The following IFRD1 variants were observed in gnomAD, a reference collection of about 807,000 sequenced individuals.
The protein encoded by IFRD1 is interferon related developmental regulator 1.
IFRD1 carries 35 observed loss-of-function variants against 52.9 expected under a neutral mutation model. The ratio of observed to expected loss-of-function variants is 0.66; its 90% CI spans 0.51 to 0.88. The LOEUF (loss-of-function observed/expected upper bound fraction) is 0.88. IFRD1 is among the 40% of genes least tolerant of loss of function. The pLI is 0.00. For missense variants in IFRD1, 517 were observed against 550.8 expected (o/e 0.94, Z 0.61); for synonymous variants, 184 against 188.4 (o/e 0.98, Z 0.19).
intron 5 of IFRD1, among the ~76,000 whole-genome samples, chr7:112,460,803 G>A (rs1293791632): frequency 1.3e-5 from 2 of 151,998 alleles, no homozygotes; most frequent in African/African-American, 4.8e-5. Flanking sequence ...TGATACCAAT[G>A]GTGACTTTAA....
At chr7:112,442,419 C>G (rs907258727) in intron 1 of IFRD1, among the ~76,000 whole-genome samples, 1 of 152,198 alleles carries the variant, frequency 6.6e-6, no homozygotes, top group Non-Finnish European at 1.5e-5. Context: ...ATAATGATGT[C>G]ATTTTTATGA....
At chr7:112,435,225 C>T (rs1210673713) in intron 1 of IFRD1, among the ~76,000 whole-genome samples, 1 of 152,208 alleles carries the variant, frequency 6.6e-6, no homozygotes, top group Non-Finnish European at 1.5e-5. Flanking sequence ...ATCAGATCAA[C>T]ACAAAACCAC....
chr7:112,455,990 A>T lies in IFRD1; in HGVS notation c.200-12A>T, dbSNP rs1795283263. ...TTTTAAATTACGATGGCTGTTTTAT[A>T]TTATTTCTTAGGACCAGAAGTCCTT... On this transcript the variant is annotated splice_polypyrimidine_tract_variant and intron_variant, in intron 2 of 11. Coordinates refer to ENST00000403825, the MANE Select transcript of IFRD1 (RefSeq NM_001550.4). 6.4e-7 allele frequency: 1 copy of T among 1,565,084 alleles called. No individual in the cohort carries two copies. The highest frequency in any genetic ancestry group is 1.4e-5 in the African/African-American group (1 of 73,996).
chr7:112,454,415 A>G (rs1472619553), intron 1 of IFRD1, among the ~76,000 whole-genome samples: 1 of 151,668 alleles, frequency 6.6e-6, no homozygotes, highest in Non-Finnish European at 1.5e-5. Flanking sequence ...CTGGTCTCCA[A>G]CTCCTGACCT....
At chr7:112,444,568 T>G (rs538308499) in intron 1 of IFRD1, among the ~76,000 whole-genome samples, 1 of 152,272 alleles carries the variant, frequency 6.6e-6, no homozygotes, top group African/African-American at 2.4e-5. Flanking sequence ...TATTTAATAA[T>G]AAAGTTCTGC....
At chr7:112,431,873 A>T (rs1179281030) in intron 1 of IFRD1, among the ~76,000 whole-genome samples, 1 of 152,224 alleles carries the variant, frequency 6.6e-6, no homozygotes, top group African/African-American at 2.4e-5. Flanking sequence ...GCATCTCCAC[A>T]TTCTGTCCTT....
intron 1 of IFRD1, among the ~76,000 whole-genome samples, chr7:112,444,475 G>T (rs1294784475): frequency 2.0e-5 from 3 of 152,080 alleles, no homozygotes; most frequent in Non-Finnish European, 4.4e-5. Context: ...AACAAAAATT[G>T]CAAACATATT....
chr7:112,465,127 C>T (rs1795574967), intron 8 of IFRD1, among the ~76,000 whole-genome samples: 1 of 152,170 alleles, frequency 6.6e-6, no homozygotes, highest in African/African-American at 2.4e-5. Flanking sequence ...CCTCAGAGTT[C>T]TGGCCTCAAG....
rs562273811 is a variant in IFRD1 at position 112,427,824 on chromosome 7, G to A, written c.-182+4392G>A. ...AGACCTACATTCTGTGAAGTGCTGC[G>A]GATAAAAAAATGCATCAGATGTGGC... On this transcript the variant is annotated intron_variant, in intron 1 of 12. Coordinates refer to the IFRD1 transcript ENST00000005558. 2.8e-3 allele frequency among the ~76,000 whole-genome samples: 425 copies of A among 152,072 alleles called. 2 individuals are homozygous for A. Among genetic ancestry groups the A allele is most frequent in the Non-Finnish European group, 4.3e-3 (293 of 67,942 alleles).
At chr7:112,433,450 T>C (rs1794590890) in intron 1 of IFRD1, among the ~76,000 whole-genome samples, 1 of 152,202 alleles carries the variant, frequency 6.6e-6, no homozygotes, top group Non-Finnish European at 1.5e-5. Context: ...GTCTGCAAAA[T>C]ACCTCAAGCA....
At chr7:112,429,126 G>T (rs924949424) in intron 1 of IFRD1, among the ~76,000 whole-genome samples, 3 of 152,184 alleles carry the variant, frequency 2.0e-5, no homozygotes, top group Non-Finnish European at 4.4e-5. Context: ...TGCCTTAGTT[G>T]CAATTACTCC....
intron 10 of IFRD1, 32 bp from the exon 11 acceptor site, chr7:112,472,734 C>T (rs1273920730): frequency 7.7e-7 from 1 of 1,305,572 alleles, no homozygotes; most frequent in South Asian, 1.2e-5. Flanking sequence ...ATGTTTAATA[C>T]TGAGCCATAC....
intron 1 of IFRD1, among the ~76,000 whole-genome samples, chr7:112,445,062 CTTTTTTTTTTT>C (rs3057810): frequency 6.8e-5 from 7 of 102,696 alleles, no homozygotes; most frequent in Admixed American, 1.1e-4. Context: ...CCTAGGCTTT[CTTTTTTTTTTT>C]TTTTTTTTTT....
chr7:112,435,441 T>G (rs1794652066), intron 1 of IFRD1: 1 of 152,240 alleles, frequency 6.6e-6, no homozygotes, highest in Non-Finnish European at 1.5e-5. Context: ...AACGTGGGTA[T>G]CATCATTAGC....
intron 1 of IFRD1, chr7:112,452,155 CTT>C (rs11299789): frequency 0.039 from 28,259 of 719,772 alleles, 1 homozygote; most frequent in Non-Finnish European, 0.043. Context: ...ATTGAGGATA[CTT>C]TTTTTTTTTT....
intron 1 of IFRD1, among the ~76,000 whole-genome samples, chr7:112,428,640 G>A (rs1164896738): frequency 6.6e-6 from 1 of 152,198 alleles, no homozygotes; most frequent in African/African-American, 2.4e-5. Flanking sequence ...ATCTGCTTAT[G>A]AGGTGGCTTA....
chr7:112,472,078 A>T (rs112777578), intron 9 of IFRD1, 141 bp from the exon 10 acceptor site: 6 of 853,488 alleles, frequency 7.0e-6, no homozygotes, highest in Non-Finnish European at 1.2e-5. Context: ...GTTTGTCCAC[A>T]TCTCAGGTAT....
intron 1 of IFRD1, among the ~76,000 whole-genome samples, chr7:112,433,193 T>C (rs1299127402): frequency 6.6e-6 from 1 of 152,198 alleles, no homozygotes; most frequent in African/African-American, 2.4e-5. Flanking sequence ...GAGCCAGCTG[T>C]ACAGGAGACT....
intron 1 of IFRD1, among the ~76,000 whole-genome samples, chr7:112,454,811 T>C (rs1275916197): frequency 6.6e-6 from 1 of 151,962 alleles, no homozygotes; most frequent in African/African-American, 2.4e-5. Flanking sequence ...ATTGTCTTCA[T>C]GATTTGAAAT....
Sources: gnomAD v4.1 joint callset for allele counts (sites outside exome capture counted in the v4.1 genomes callset) on GRCh38, gnomAD v4.1.1 for gene constraint, MANE v1.5 for transcripts, NCBI Gene and HGNC (gene_info 2026-07-23, HGNC 2026-07-21) for gene names.